The following MICU3 variants were observed in gnomAD, a reference collection of about 807,000 sequenced individuals.
MICU3 encodes mitochondrial calcium uptake 3, also known as calcium uptake protein 3, mitochondrial.
MICU3 carries 62 observed loss-of-function variants against 66.5 expected under a neutral mutation model. That is an observed-to-expected ratio of 0.93 (90% CI 0.76 to 1.15). MICU3 has a LOEUF of 1.15. Ranked by LOEUF, MICU3 falls within the 50% of genes most tolerant of loss-of-function variation. The pLI, the probability that MICU3 is intolerant of heterozygous loss-of-function variation, is 0.00. For missense variants in MICU3, 779 were observed against 664.4 expected (o/e 1.17, Z -1.90); for synonymous variants, 308 against 240.7 (o/e 1.28, Z -2.59).
intron 2 of MICU3, among the ~76,000 whole-genome samples, chr8:17,068,091 C>T (rs1465354966): frequency 2.0e-5 from 3 of 151,874 alleles, no homozygotes; most frequent in East Asian, 1.9e-4. Context: ...CATACAAAAA[C>T]GTATTAAAAA....
At chr8:17,032,427 GT>G (rs1263906953) in intron 1 of MICU3, among the ~76,000 whole-genome samples, 3 of 151,888 alleles carry the variant, frequency 2.0e-5, no homozygotes, top group Admixed American at 2.0e-4. Flanking sequence ...ATACTTCAGT[GT>G]TTTACTTAAT....
intron 12 of MICU3, 71 bp downstream of exon 12, chr8:17,114,272 A>T: frequency 2.1e-6 from 2 of 939,402 alleles, no homozygotes; most frequent in Non-Finnish European, 3.3e-6. Flanking sequence ...TTGGCAACCA[A>T]TTAATTAAAT....
intron 11 of MICU3, among the ~76,000 whole-genome samples, 190 bp from the exon 12 acceptor site, chr8:17,113,903 C>G (rs1406027568): frequency 3.3e-5 from 5 of 152,108 alleles, no homozygotes. Flanking sequence ...GCAGGCAGCA[C>G]TACCCAGTGA....
At chr8:17,127,323 C>G (rs1440197416), downstream of MICU3, among the ~76,000 whole-genome samples, 6 of 152,172 alleles carry the variant, frequency 3.9e-5, no homozygotes, top group Admixed American at 6.5e-5. Context: ...AGAAGATTAG[C>G]TGTCACAAAG....
intron 1 of MICU3, among the ~76,000 whole-genome samples, chr8:17,031,534 G>T (rs1305196058): frequency 4.0e-5 from 6 of 151,794 alleles, no homozygotes. Context: ...AGTTCCGCCT[G>T]CCTCAGCTTG....
chr8:17,113,017 A>G (rs1036692929), intron 11 of MICU3, among the ~76,000 whole-genome samples: 2 of 152,230 alleles, frequency 1.3e-5, no homozygotes, highest in Non-Finnish European at 2.9e-5. Flanking sequence ...AAGGAAAGGA[A>G]AGTAAACAAT....
intron 4 of MICU3, 52 bp from the exon 5 acceptor site, chr8:17,081,641 T>C (rs1821199225): frequency 3.9e-6 from 2 of 507,446 alleles, no homozygotes; most frequent in Admixed American, 4.4e-5. Context: ...ATAGCATTTA[T>C]TGCTTCTAGA....
At chr8:17,072,782 T>C (rs1406827128) in intron 3 of MICU3, among the ~76,000 whole-genome samples, 1 of 152,168 alleles carries the variant, frequency 6.6e-6, no homozygotes, top group Non-Finnish European at 1.5e-5. Context: ...AATGATACGA[T>C]ACTATTTGAC....
At chr8:17,096,955 T>TTG (rs3988378) in intron 8 of MICU3, among the ~76,000 whole-genome samples, 4,643 of 141,534 alleles carry the variant, frequency 0.033, 97 homozygotes, top group African/African-American at 0.057. Flanking sequence ...CTAAATATAT[T>TTG]TGTGTGTGTG....
intron 1 of MICU3, among the ~76,000 whole-genome samples, chr8:17,031,268 A>ATTT (rs1812004278): frequency 7.8e-6 from 1 of 127,698 alleles, no homozygotes; most frequent in Non-Finnish European, 1.5e-5. Flanking sequence ...TTCATTTATT[A>ATTT]TTATTATTAT....
chr8:17,125,028 G>A (rs1291539002), downstream of MICU3, among the ~76,000 whole-genome samples: 1 of 151,498 alleles, frequency 6.6e-6, no homozygotes, highest in Non-Finnish European at 1.5e-5. Context: ...TTCATTTCTG[G>A]AAAAAAAATG....
intron 8 of MICU3, among the ~76,000 whole-genome samples, chr8:17,092,177 A>G (rs1464859470): frequency 6.6e-6 from 1 of 152,052 alleles, no homozygotes; most frequent in Middle Eastern, 3.4e-3. Context: ...TGCCTGACCT[A>G]TGATTTATTT....
At position 17,042,931 on chromosome 8, in the gene MICU3, A is replaced by ATTTTTTTTTTTTT. The variant is rs996846253; in HGVS notation, c.381+15285_381+15297dup. On this transcript the variant is annotated intron_variant, in intron 1 of 14. Transcript: ENST00000318063. ...AAACTGCTTGTAGCAATTCAAAGTG[A>ATTTTTTTTTTTTT]TTTTTTTTTTTTTTTTTTTTTTTTT... Among the ~76,000 whole-genome samples, 9 of 82,154 alleles carry ATTTTTTTTTTTTT rather than the reference A, an allele frequency of 1.1e-4. 1 individual carries two copies. The highest frequency in any genetic ancestry group is 5.2e-4 in the African/African-American group (9 of 17,318). 53.9% of individuals were successfully genotyped at this position (82,154 alleles called of 152,430 possible). A position where few individuals can be genotyped will look rare whatever the true frequency, so the allele number is the denominator to read the frequency against.
intron 1 of MICU3, among the ~76,000 whole-genome samples, chr8:17,059,236 T>A (rs1273522270): frequency 1.3e-5 from 2 of 152,202 alleles, no homozygotes; most frequent in Non-Finnish European, 2.9e-5. Context: ...TGGGGACTAG[T>A]ATTTACGTTT....
chr8:17,131,690 G>A, the MICU3 span: 3 of 152,380 alleles, frequency 2.0e-5, no homozygotes, highest in Admixed American at 2.0e-4. Flanking sequence ...CAGGGAATAA[G>A]CATGCAGGGG....
At chr8:17,097,891 TCACAATAGAAA>T (rs1800882927) in intron 8 of MICU3, among the ~76,000 whole-genome samples, 2 of 151,784 alleles carry the variant, frequency 1.3e-5, no homozygotes, top group Non-Finnish European at 2.9e-5. Flanking sequence ...CCGTAACCAT[TCACAATAGAAA>T]CACCTGCCAA....
chr8:17,037,974 G>T (rs1345690822), intron 1 of MICU3, among the ~76,000 whole-genome samples: 1 of 152,206 alleles, frequency 6.6e-6, no homozygotes, highest in African/African-American at 2.4e-5. Context: ...TTTGGAATGG[G>T]TGTGTTTACC....
chr8:17,083,226 G>T (rs999905418), intron 5 of MICU3, among the ~76,000 whole-genome samples: 10 of 152,008 alleles, frequency 6.6e-5, no homozygotes, highest in African/African-American at 2.4e-4. Context: ...CCAGTTTATC[G>T]CTCTGTGTAG....
chr8:17,027,559 C>T lies in MICU3; in HGVS notation c.280C>T (p.Pro94Ser). The T allele has an allele frequency of 3.9e-6, 5 of 1,280,660 alleles. No homozygotes were observed. The highest frequency in any genetic ancestry group is 1.5e-5 in the African/African-American group (1 of 64,744). The allele number at this position is 1,280,660 out of a possible 1,614,324, so 79.3% of individuals were successfully genotyped here. The change falls in exon 1 of 15, where the codon CCG becomes TCG. Residue 94 changes from proline to serine, a missense_variant. Transcript: ENST00000318063. ...GTACGGGGACCCCAGGGCCGGCTCG[C>T]CGGCGACCGGGCGACCCTCAAAGAG... ...QLYGDPRAGS[P>S]ATGRPSKSAA...
Sources: gnomAD v4.1 joint callset for allele counts (sites outside exome capture counted in the v4.1 genomes callset) on GRCh38, gnomAD v4.1.1 for gene constraint, MANE v1.5 for transcripts, NCBI Gene and HGNC (gene_info 2026-07-23, HGNC 2026-07-21) for gene names.